Variants in ASTN2 observed in about 807,000 individuals in gnomAD.
ASTN2 encodes the protein astrotactin-2.
Under a neutral mutation model 139.8 loss-of-function variants are expected in ASTN2, and 54 were observed. The observed-to-expected ratio is 0.39, with a 90% CI of 0.31 to 0.48. ASTN2 has a LOEUF of 0.48. Among genes scored for constraint, ASTN2 ranks in the 20% least tolerant of loss-of-function variants. The pLI is 0.95. For missense variants in ASTN2, 1,565 were observed against 1,725.1 expected (o/e 0.91, Z 1.64); for synonymous variants, 756 against 719.5 (o/e 1.05, Z -0.81).
rs192730249 is a variant in ASTN2, at chr9:117,371,339, T to C, written c.442+43158A>G. On this transcript the variant is annotated intron_variant, in intron 1 of 22. Coordinates refer to ENST00000313400, the MANE Select transcript of ASTN2 (RefSeq NM_001365068.1). ...AACATAAAAACTAAAAGGGTCTATA[T>C]ATTTTTAATATGGTAACATCCCTCC... Among the ~76,000 whole-genome samples, 14 of 152,278 alleles carry C rather than the reference T, an allele frequency of 9.2e-5. 1 individual carries two copies. The highest frequency in any genetic ancestry group is 1.6e-4 in the Non-Finnish European group (11 of 68,010).
rs140086007 is a variant in ASTN2 at position 116,550,608 on chromosome 9, C to T, written c.3356-63108G>A. 5.0e-3 allele frequency among the ~76,000 whole-genome samples: 765 copies of T among 152,214 alleles called. 10 individuals carry two copies. Among genetic ancestry groups the T allele is most frequent in the Admixed American group, 0.018 (278 of 15,280 alleles). ...GGAGAGAAAATAAGAATGCGTCCAA[C>T]AGTGCTGCAATATAAGGATGTTGTT... On this transcript the variant is annotated intron_variant, in intron 19 of 22. Transcript: ENST00000313400.
intron 10 of ASTN2, among the ~76,000 whole-genome samples, chr9:116,898,476 T>C (rs1251125937): frequency 6.6e-6 from 1 of 151,276 alleles, no homozygotes; most frequent in African/African-American, 2.4e-5. Flanking sequence ...CGCAAATAAC[T>C]TCTCTGCTAA....
Position 116,609,502 on chromosome 9 carries a change from T to A in ASTN2, c.3355+8822A>T, listed in dbSNP as rs557288476. 5.3e-5 allele frequency among the ~76,000 whole-genome samples: 8 copies of A among 151,128 alleles called. No homozygotes were observed. In the South Asian group the frequency reaches 1.7e-3, roughly 31 times the overall value. On this transcript the variant is annotated intron_variant, in intron 19 of 22. Coordinates refer to ENST00000313400, the MANE Select transcript of ASTN2 (RefSeq NM_001365068.1). ...ATATTTAATTACTAGGATAAAAATC[T>A]GTCAATTTAAAATTTCATGCACAGC... is the stretch of plus-strand genomic sequence containing the variant.
intron 7 of ASTN2, among the ~76,000 whole-genome samples, chr9:116,985,021 C>T (rs545111619): frequency 6.6e-6 from 1 of 152,270 alleles, no homozygotes; most frequent in African/African-American, 2.4e-5. Flanking sequence ...TAATTAGAAG[C>T]TTTATGAAAT....
At chr9:117,201,727 T>TTGAAATTGAAATTGAAATTTGAAA (rs1831727225) in intron 3 of ASTN2, among the ~76,000 whole-genome samples, 1 of 152,162 alleles carries the variant, frequency 6.6e-6, no homozygotes, top group Non-Finnish European at 1.5e-5. Context: ...TTTCAGTTCT[T>TTGAAATTGAAATTGAAATTTGAAA]TTGCATTTGC....
chr9:117,010,148 C>T (rs769619200), intron 6 of ASTN2, among the ~76,000 whole-genome samples: 1 of 151,862 alleles, frequency 6.6e-6, no homozygotes, highest in East Asian at 1.9e-4. Context: ...TCAAGTTGGC[C>T]CTAAAGTCCT....
chr9:117,085,565 C>T (rs898757223), intron 5 of ASTN2, among the ~76,000 whole-genome samples: 3 of 152,266 alleles, frequency 2.0e-5, no homozygotes, highest in Non-Finnish European at 1.5e-5. Context: ...AAATACCAGG[C>T]CCCCTTTGTT....
chr9:117,173,437 T>C (rs1032115906), intron 3 of ASTN2, among the ~76,000 whole-genome samples: 1 of 152,112 alleles, frequency 6.6e-6, no homozygotes, highest in Non-Finnish European at 1.5e-5. Flanking sequence ...AATTAGAAAA[T>C]GTACAGTGTT....
intron 3 of ASTN2, among the ~76,000 whole-genome samples, chr9:117,197,857 A>C (rs959461795): frequency 6.6e-6 from 1 of 152,002 alleles, no homozygotes; most frequent in East Asian, 1.9e-4. Flanking sequence ...TAGATTGGTA[A>C]TTTTTTTCCT....
At chr9:116,681,766 C>A (rs1252589417) in intron 16 of ASTN2, among the ~76,000 whole-genome samples, 1 of 152,106 alleles carries the variant, frequency 6.6e-6, no homozygotes, top group Non-Finnish European at 1.5e-5. Flanking sequence ...GAATAACAAG[C>A]AATGGGGAAA....
At chr9:117,128,371 C>CAAAAAAAAAAAAAA (rs1167187783) in intron 4 of ASTN2, among the ~76,000 whole-genome samples, 4 of 66,442 alleles carry the variant, frequency 6.0e-5, no homozygotes, top group African/African-American at 2.3e-4. Flanking sequence ...GACACTGTCT[C>CAAAAAAAAAAAAAA]AAAAAAAAAA....
chr9:117,269,190 C>CCA (rs1448198715), intron 2 of ASTN2, among the ~76,000 whole-genome samples: 27 of 152,308 alleles, frequency 1.8e-4, no homozygotes, highest in Middle Eastern at 3.4e-3. Context: ...AAGGTGCTTA[C>CCA]ATTTCAGCAA....
At chr9:116,612,720 G>C (rs1176355460) in intron 19 of ASTN2, 2 of 152,106 alleles carry the variant, frequency 1.3e-5, no homozygotes, top group Non-Finnish European at 2.9e-5. Flanking sequence ...ATTTAAAGCA[G>C]TGTGTAGAGG....
intron 3 of ASTN2, among the ~76,000 whole-genome samples, chr9:117,186,754 A>C (rs1191235267): frequency 6.6e-6 from 1 of 152,214 alleles, no homozygotes; most frequent in East Asian, 1.9e-4. Flanking sequence ...TGTTCTAAAC[A>C]AGAAGCAGAC....
intron 16 of ASTN2, among the ~76,000 whole-genome samples, chr9:116,709,279 A>C (rs1476322822): frequency 3.3e-5 from 5 of 152,214 alleles, no homozygotes; most frequent in Non-Finnish European, 7.3e-5. Flanking sequence ...TGCTGGTAAA[A>C]GTCATCCCCC....
At chr9:116,911,525 C>T (rs769136789) in intron 10 of ASTN2, among the ~76,000 whole-genome samples, 1 of 152,254 alleles carries the variant, frequency 6.6e-6, no homozygotes, top group East Asian at 1.9e-4. Context: ...CAAATAAGGT[C>T]TGGAATTTAA....
intron 2 of ASTN2, among the ~76,000 whole-genome samples, chr9:117,260,771 G>A (rs960211022): frequency 6.6e-6 from 1 of 152,116 alleles, no homozygotes; most frequent in Non-Finnish European, 1.5e-5. Flanking sequence ...CTCTGTTGTG[G>A]AATGAGTCTG....
intron 1 of ASTN2, among the ~76,000 whole-genome samples, chr9:117,399,278 T>TG (rs1163438316): frequency 1.3e-5 from 2 of 152,136 alleles, no homozygotes; most frequent in Non-Finnish European, 2.9e-5. Flanking sequence ...ATAACTGTTT[T>TG]GGGGGGAGCC....
intron 3 of ASTN2, among the ~76,000 whole-genome samples, chr9:117,205,769 C>A (rs986825825): frequency 6.6e-6 from 1 of 152,144 alleles, no homozygotes; most frequent in Non-Finnish European, 1.5e-5. Flanking sequence ...GAACCGGGAT[C>A]TCCAGCCCAA....
Sources: gnomAD v4.1 joint callset for allele counts (sites outside exome capture counted in the v4.1 genomes callset) on GRCh38, gnomAD v4.1.1 for gene constraint, MANE v1.5 for transcripts, NCBI Gene and HGNC (gene_info 2026-07-23, HGNC 2026-07-21) for gene names.